Variants in FRMD4B observed in about 807,000 individuals in gnomAD.
FRMD4B encodes the protein FERM domain-containing protein 4B.
A neutral mutation model predicts 141.5 loss-of-function variants in FRMD4B; 74 were observed. The observed-to-expected ratio is 0.52, with a 90% CI of 0.43 to 0.63. The LOEUF is 0.63. Ranked by LOEUF, FRMD4B falls within the 30% of genes least tolerant of loss-of-function variation. FRMD4B has a pLI of 0.00. For synonymous variants in FRMD4B, 506 were observed against 467.9 expected, an observed-to-expected ratio of 1.08 and a Z score of -1.05; for missense variants, 1,366 against 1,253.4, an observed-to-expected ratio of 1.09 and a Z score of -1.36.
chr3:69,195,216 A>C lies in FRMD4B; in HGVS notation c.1368+15T>G. On this transcript the variant is annotated intron_variant, in intron 15 of 22. Coordinates refer to ENST00000398540, the MANE Select transcript of FRMD4B (RefSeq NM_015123.3). ...TGTCAAACACAACTTGATGAGCCCC[A>C]AAAAGCAGACTCACAGCCTCCCGCA... 6.2e-7 allele frequency: 1 copy of C among 1,612,938 alleles called. No individual in the cohort carries two copies. Among genetic ancestry groups the C allele is most frequent in the Non-Finnish European group, 8.5e-7 (1 of 1,179,550 alleles).
chr3:69,453,388 G>T (rs1274962473), intron 1 of FRMD4B, among the ~76,000 whole-genome samples: 1 of 152,136 alleles, frequency 6.6e-6, no homozygotes, highest in Non-Finnish European at 1.5e-5. Flanking sequence ...ACTGTACTTT[G>T]CTTCCTGGTA....
At chr3:69,240,722 G>A (rs2093376278) in intron 7 of FRMD4B, among the ~76,000 whole-genome samples, 1 of 152,108 alleles carries the variant, frequency 6.6e-6, no homozygotes, top group Non-Finnish European at 1.5e-5. Context: ...AACCGCATTA[G>A]CCATCTGAAC....
At chr3:69,289,098 T>A (rs776678878) in intron 4 of FRMD4B, among the ~76,000 whole-genome samples, 1 of 152,170 alleles carries the variant, frequency 6.6e-6, no homozygotes, top group Non-Finnish European at 1.5e-5. Flanking sequence ...GAGTGTCAGA[T>A]TTATGAGAAG....
chr3:69,307,485 C>A (rs145358559), intron 3 of FRMD4B, among the ~76,000 whole-genome samples: 2 of 151,888 alleles, frequency 1.3e-5, no homozygotes, highest in Non-Finnish European at 2.9e-5. Context: ...GGATTACAGG[C>A]GCCCACCACC....
intron 9 of FRMD4B, among the ~76,000 whole-genome samples, chr3:69,220,372 G>C (rs2093182353): frequency 6.6e-6 from 1 of 152,162 alleles, no homozygotes; most frequent in Non-Finnish European, 1.5e-5. Flanking sequence ...TTGTATATGT[G>C]TACAGAAATG....
chr3:69,267,632 TATATAG>T (rs2093572616), intron 5 of FRMD4B, among the ~76,000 whole-genome samples: 4 of 10,608 alleles, frequency 3.8e-4, no homozygotes, highest in African/African-American at 1.3e-3. Flanking sequence ...TATATATATA[TATATAG>T]AGAGAGAGAG....
chr3:69,304,848 G>A (rs1228398984), intron 3 of FRMD4B, among the ~76,000 whole-genome samples: 1 of 151,784 alleles, frequency 6.6e-6, no homozygotes, highest in African/African-American at 2.4e-5. Context: ...ATATATAATG[G>A]GCCAGAAGAC....
At chr3:69,295,777 G>A (rs1219647951) in intron 4 of FRMD4B, among the ~76,000 whole-genome samples, 1 of 151,936 alleles carries the variant, frequency 6.6e-6, no homozygotes, top group Admixed American at 6.6e-5. Context: ...TAATTTCCGT[G>A]TTCTCTAGCT....
chr3:69,278,359 C>T (rs768669669), intron 5 of FRMD4B, among the ~76,000 whole-genome samples: 1 of 152,160 alleles, frequency 6.6e-6, no homozygotes, highest in Non-Finnish European at 1.5e-5. Flanking sequence ...AGTGCGGTGG[C>T]ATGATGATTG....
At chr3:69,243,572 C>T (rs959936777) in intron 7 of FRMD4B, among the ~76,000 whole-genome samples, 7 of 152,188 alleles carry the variant, frequency 4.6e-5, no homozygotes, top group East Asian at 1.9e-4. Flanking sequence ...AAATCTATGT[C>T]GTAGGAAGGT....
At chr3:69,461,081 T>C (rs1406850315) in intron 1 of FRMD4B, among the ~76,000 whole-genome samples, 1 of 152,242 alleles carries the variant, frequency 6.6e-6, no homozygotes, top group Non-Finnish European at 1.5e-5. Context: ...AGGAAAAGTT[T>C]GAATAGTTCT....
chr3:69,536,336 T>A (rs995602646), intron 1 of FRMD4B: 2 of 662,778 alleles, frequency 3.0e-6, no homozygotes, highest in Non-Finnish European at 5.5e-6. Context: ...AAGCTGCCAG[T>A]GGCCCCCCTT....
chr3:69,342,609 G>A (rs977085521), intron 1 of FRMD4B, among the ~76,000 whole-genome samples: 1 of 152,142 alleles, frequency 6.6e-6, no homozygotes, highest in East Asian at 1.9e-4. Context: ...AGGTACTTCA[G>A]TGCCAGATGC....
chr3:69,451,510 T>C (rs1319867184), intron 1 of FRMD4B, among the ~76,000 whole-genome samples: 6 of 152,168 alleles, frequency 3.9e-5, no homozygotes, highest in Non-Finnish European at 7.3e-5. Context: ...CTGGTCTATT[T>C]TAATGTCTTC....
intron 22 of FRMD4B, among the ~76,000 whole-genome samples, chr3:69,172,908 G>A (rs1234851986): frequency 6.6e-6 from 1 of 151,850 alleles, no homozygotes; most frequent in Admixed American, 6.6e-5. Flanking sequence ...GAAGAGCTTT[G>A]GAAATAAAGG....
At chr3:69,410,864 T>A (rs1348578836) in intron 2 of FRMD4B, among the ~76,000 whole-genome samples, 1 of 150,650 alleles carries the variant, frequency 6.6e-6, no homozygotes, top group South Asian at 2.1e-4. Context: ...GCTCAAGGAA[T>A]CCTCCCATCT....
intron 1 of FRMD4B, among the ~76,000 whole-genome samples, chr3:69,513,993 C>G (rs1462462346): frequency 6.6e-6 from 1 of 152,066 alleles, no homozygotes; most frequent in Non-Finnish European, 1.5e-5. Context: ...AGATCAGGAA[C>G]AAAACAAGGA....
At chr3:69,448,880 T>C (rs1341254412) in intron 1 of FRMD4B, among the ~76,000 whole-genome samples, 3 of 152,208 alleles carry the variant, frequency 2.0e-5, no homozygotes, top group African/African-American at 7.2e-5. Flanking sequence ...TTTTTTAGTA[T>C]ACATTCATGT....
intron 1 of FRMD4B, among the ~76,000 whole-genome samples, chr3:69,488,241 A>G (rs1446531971): frequency 6.6e-6 from 1 of 152,212 alleles, no homozygotes; most frequent in Admixed American, 6.5e-5. Flanking sequence ...AGTAAACAAC[A>G]CTAGAGCTTT....
Sources: gnomAD v4.1 joint callset for allele counts (sites outside exome capture counted in the v4.1 genomes callset) on GRCh38, gnomAD v4.1.1 for gene constraint, MANE v1.5 for transcripts, NCBI Gene and HGNC (gene_info 2026-07-23, HGNC 2026-07-21) for gene names.